NAPEPLD: variants seen among roughly 807,000 people sequenced by gnomAD.
NAPEPLD encodes N-acyl-phosphatidylethanolamine-hydrolyzing phospholipase D.
In NAPEPLD, 23 loss-of-function variants were observed where a neutral mutation model predicts 38.1. The ratio of observed to expected loss-of-function variants is 0.60; its 90% CI spans 0.43 to 0.86. The LOEUF is 0.86. NAPEPLD is among the 40% of genes least tolerant of loss of function. The probability of loss-of-function intolerance (pLI) is 0.00; values close to 1 mark genes in which losing one functional copy is unlikely to be tolerated. For missense variants in NAPEPLD, 411 were observed against 476.8 expected, an observed-to-expected ratio of 0.86 and a Z score of 1.28; for synonymous variants, 147 against 162.0, an observed-to-expected ratio of 0.91 and a Z score of 0.71.
chr7:103,144,274 G>A (rs2129537190), intron 1 of NAPEPLD, among the ~76,000 whole-genome samples: 1 of 152,226 alleles, frequency 6.6e-6, no homozygotes, highest in South Asian at 2.1e-4. Context: ...TCACTGACAA[G>A]GCTCACCTTT....
intron 3 of NAPEPLD, among the ~76,000 whole-genome samples, chr7:103,117,920 C>T (rs137936117): frequency 1.0e-3 from 153 of 152,306 alleles, no homozygotes; most frequent in African/African-American, 3.3e-3. Flanking sequence ...TGGTGGCTAA[C>T]GCCTATAATC....
chr7:103,136,766 A>G (rs930027785), intron 1 of NAPEPLD, among the ~76,000 whole-genome samples: 3 of 152,116 alleles, frequency 2.0e-5, no homozygotes, highest in Non-Finnish European at 4.4e-5. Flanking sequence ...ACGTAACAAG[A>G]CTATAAAAGT....
intron 1 of NAPEPLD, among the ~76,000 whole-genome samples, chr7:103,136,612 T>C (rs895707953): frequency 1.3e-5 from 2 of 150,138 alleles, no homozygotes; most frequent in African/African-American, 4.9e-5. Flanking sequence ...AAAATGCAAA[T>C]TGAAGAGTAA....
chr7:103,136,033 C>A (rs1809976991), intron 1 of NAPEPLD, among the ~76,000 whole-genome samples: 1 of 152,044 alleles, frequency 6.6e-6, no homozygotes, highest in South Asian at 2.1e-4. Context: ...TGCCTGTAAT[C>A]CCAATACTTT....
intron 1 of NAPEPLD, among the ~76,000 whole-genome samples, chr7:103,131,982 C>T (rs1308611422): frequency 6.6e-6 from 1 of 152,104 alleles, no homozygotes; most frequent in Non-Finnish European, 1.5e-5. Flanking sequence ...GGCGTGGTGG[C>T]GCGTGCCTGC....
intron 1 of NAPEPLD, 69 bp from the exon 2 acceptor site, chr7:103,128,861 T>G: frequency 6.9e-7 from 1 of 1,459,204 alleles, no homozygotes; most frequent in South Asian, 1.4e-5. Flanking sequence ...CAAGGTACTA[T>G]TTGTTAGCCA....
At chr7:103,108,250 T>C (rs2411079) in intron 4 of NAPEPLD, among the ~76,000 whole-genome samples, 134,494 of 151,592 alleles carry the variant, frequency 0.89, 61,895 homozygotes, top group East Asian at 1. Context: ...TCAAGCAGTT[T>C]TCCAGCCTCA....
chr7:103,112,358 GC>G (rs1804697618), intron 4 of NAPEPLD, among the ~76,000 whole-genome samples: 1 of 152,118 alleles, frequency 6.6e-6, no homozygotes, highest in Non-Finnish European at 1.5e-5. Context: ...CAACCCAAAT[GC>G]CCATCAATGA....
intron 4 of NAPEPLD, among the ~76,000 whole-genome samples, chr7:103,114,564 C>T (rs751766077): frequency 1.1e-4 from 17 of 152,166 alleles, no homozygotes; most frequent in Non-Finnish European, 2.2e-4. Context: ...TTCCTCCCTG[C>T]CCTCTCAGAG....
chr7:103,115,421 C>T (rs1805366635), intron 3 of NAPEPLD: 1 of 358,766 alleles, frequency 2.8e-6, no homozygotes, highest in African/African-American at 2.1e-5. Context: ...GAGGCAAAAC[C>T]ATCTCCCTTT....
At chr7:103,125,890 A>AAATAATAATAATAATAATAATAATAAT (rs142799732) in intron 2 of NAPEPLD, among the ~76,000 whole-genome samples, 2 of 145,356 alleles carry the variant, frequency 1.4e-5, no homozygotes, top group African/African-American at 5.1e-5. Context: ...TCTGTCTCAA[A>AAATAATAATAATAATAATAATAATAAT]AATAATAATA....
chr7:103,130,126 G>A (rs1808622184), intron 1 of NAPEPLD, among the ~76,000 whole-genome samples: 1 of 152,190 alleles, frequency 6.6e-6, no homozygotes, highest in Non-Finnish European at 1.5e-5. Context: ...GTGGAAATAA[G>A]GAAATGAGCA....
chr7:103,109,759 GGAGACA>G (rs1208566189), intron 4 of NAPEPLD, among the ~76,000 whole-genome samples: 1 of 136,822 alleles, frequency 7.3e-6, no homozygotes, highest in East Asian at 2.3e-4. Flanking sequence ...CAGAACTGAA[GGAGACA>G]GAGACGCGAA....
chr7:103,123,494 C>T (rs962759818), intron 2 of NAPEPLD, among the ~76,000 whole-genome samples: 20 of 152,146 alleles, frequency 1.3e-4, no homozygotes, highest in Admixed American at 1.2e-3. Flanking sequence ...ACTAAGTACT[C>T]GTACTTGGCA....
At position 103,099,898 on chromosome 7, in the gene NAPEPLD, C is replaced by T. The variant is rs1488290924; in HGVS notation, c.*3531G>A. The T allele has an allele frequency of 2.0e-5, 3 of 152,056 alleles. No individual in the cohort carries two copies. The highest frequency in any genetic ancestry group is 1.9e-4 in the East Asian group (1 of 5,198). The allele number at this position is 152,056 out of a possible 1,614,324, so 9.4% of individuals were successfully genotyped here. On this transcript the variant is annotated 3_prime_UTR_variant, in exon 5 of 5. Transcript: ENST00000465647. Reference sequence around the variant, plus strand: ...AAGCTACTATAACAATTTATTGATACATCTGGGATTCAGCCAGGTCTTATA... The same window carrying T: ...AAGCTACTATAACAATTTATTGATATATCTGGGATTCAGCCAGGTCTTATA...
At chr7:103,139,986 C>A (rs1810885414) in intron 1 of NAPEPLD, among the ~76,000 whole-genome samples, 1 of 152,150 alleles carries the variant, frequency 6.6e-6, no homozygotes, top group African/African-American at 2.4e-5. Context: ...ATTATAAAAG[C>A]ATATTAAAAA....
At chr7:103,135,935 A>G (rs1809959833) in intron 1 of NAPEPLD, among the ~76,000 whole-genome samples, 2 of 152,112 alleles carry the variant, frequency 1.3e-5, no homozygotes, top group East Asian at 3.8e-4. Flanking sequence ...ACGTTGTTTT[A>G]AATGTCTGTT....
At chr7:103,113,585 T>A (rs950040813) in intron 4 of NAPEPLD, among the ~76,000 whole-genome samples, 9 of 124,754 alleles carry the variant, frequency 7.2e-5, no homozygotes, top group Non-Finnish European at 1.6e-4. Flanking sequence ...TTTTTTTTTT[T>A]AAAGACAGAG....
At position 103,101,999 on chromosome 7, in the gene NAPEPLD, T is replaced by TCCCACCCC. The variant is rs1802467738; in HGVS notation, c.*1429_*1430insGGGGTGGG. The stretch of plus-strand genomic sequence containing the variant: ...AGGACTAAATCTTATGTCAACTGAC[T>TCCCACCCC]CCCCCCCCGCCCCCCAACCACTGGC... On this transcript the variant is annotated 3_prime_UTR_variant, in exon 5 of 5. Coordinates refer to ENST00000465647, the MANE Select transcript of NAPEPLD (RefSeq NM_001122838.3). 8.0e-6 allele frequency: 1 copy of TCCCACCCC among 124,676 alleles called. No individual in the cohort carries two copies. Among genetic ancestry groups the TCCCACCCC allele is most frequent in the African/African-American group, 3.0e-5 (1 of 33,460 alleles). 7.7% of individuals were successfully genotyped at this position (124,676 alleles called of 1,614,324 possible).
Sources: allele counts gnomAD v4.1 joint callset (sites outside exome capture counted in the v4.1 genomes callset), GRCh38; gene constraint gnomAD v4.1.1; transcripts MANE v1.5; gene names NCBI Gene and HGNC (gene_info 2026-07-23, HGNC 2026-07-21).